KLF3: variants seen among roughly 807,000 people sequenced by gnomAD.
KLF3 encodes the protein Krueppel-like factor 3.
In KLF3, 6 loss-of-function variants were observed where a neutral mutation model predicts 32.7. The ratio of observed to expected loss-of-function variants is 0.18; its 90% CI spans 0.10 to 0.36. The LOEUF (loss-of-function observed/expected upper bound fraction) is 0.36, where lower values mean the gene tolerates loss of function less well. Ranked by LOEUF, KLF3 falls within the 10% of genes least tolerant of loss-of-function variation. KLF3 has a pLI of 1.00. For missense variants in KLF3, 338 were observed against 449.7 expected, an observed-to-expected ratio of 0.75 and a Z score of 2.25; for synonymous variants, 145 against 172.8, an observed-to-expected ratio of 0.84 and a Z score of 1.26.
At chr4:38,677,730 G>T (rs976754425) in intron 1 of KLF3, among the ~76,000 whole-genome samples, 2 of 152,206 alleles carry the variant, frequency 1.3e-5, no homozygotes, top group Non-Finnish European at 2.9e-5. Flanking sequence ...AAGGGTGGGG[G>T]ATAGACCTCT....
At chr4:38,668,999 G>A (rs183555663) in intron 1 of KLF3, among the ~76,000 whole-genome samples, 14 of 152,138 alleles carry the variant, frequency 9.2e-5, no homozygotes, top group East Asian at 7.7e-4. Flanking sequence ...TGTCTCCATC[G>A]CCCCTTGAGA....
At chr4:38,687,758 A>T (rs961909362) in intron 2 of KLF3, among the ~76,000 whole-genome samples, 1 of 152,200 alleles carries the variant, frequency 6.6e-6, no homozygotes, top group Admixed American at 6.5e-5. Flanking sequence ...ATTCAAGTCT[A>T]CAGCTTCATT....
rs1723121250 is a variant in KLF3 at position 38,698,756 on chromosome 4, A to G, written c.*1493A>G. The stretch of plus-strand genomic sequence containing the variant: ...TTTTGAGCACCATAGTCTAAATGCC[A>G]ATAAAAATAATTCATACATAGAAAT... On this transcript the variant is annotated 3_prime_UTR_variant, in exon 6 of 6. Transcript: ENST00000261438. The G allele has an allele frequency of 6.6e-6, 1 of 152,246 alleles. No homozygotes were observed. 9.4% of individuals were successfully genotyped at this position (152,246 alleles called of 1,614,324 possible).
chr4:38,686,301 C>T (rs1166328308), intron 2 of KLF3, among the ~76,000 whole-genome samples: 2 of 151,674 alleles, frequency 1.3e-5, no homozygotes, highest in African/African-American at 4.8e-5. Flanking sequence ...CAAAAATTAG[C>T]GAGGCGTGGT....
intron 1 of KLF3, among the ~76,000 whole-genome samples, chr4:38,677,212 C>T (rs981801108): frequency 7.4e-4 from 113 of 152,188 alleles, no homozygotes; most frequent in African/African-American, 2.5e-3. Context: ...CCACCCGCCT[C>T]GGCCTCCCAA....
At chr4:38,669,849 T>C (rs956017752) in intron 1 of KLF3, among the ~76,000 whole-genome samples, 5 of 121,290 alleles carry the variant, frequency 4.1e-5, no homozygotes, top group East Asian at 5.3e-4. Flanking sequence ...GCCGAGATTG[T>C]GCCACTGCAC....
At chr4:38,691,092 C>G (rs1722863854) in intron 4 of KLF3, among the ~76,000 whole-genome samples, 1 of 151,762 alleles carries the variant, frequency 6.6e-6, no homozygotes, top group Non-Finnish European at 1.5e-5. Flanking sequence ...CCTCTTACCT[C>G]AAAAAAAACC....
chr4:38,694,866 T>C lies in KLF3; in HGVS notation c.816T>C (p.Thr272=). The C allele has an allele frequency of 6.2e-7, 1 of 1,605,758 alleles. No individual in the cohort carries two copies. Among genetic ancestry groups the C allele is most frequent in the South Asian group, 1.1e-5 (1 of 89,378 alleles). Residue 272 remains threonine (T), a synonymous_variant, in exon 5 of 6, where the codon ACT becomes ACC. Transcript: ENST00000261438. ...ATGATGGATGCAACAAAGTGTACACTAAAAGCTCCCACTTGAAAGCACACA... is the reference window on the plus strand; with the variant it reads ...ATGATGGATGCAACAAAGTGTACACCAAAAGCTCCCACTTGAAAGCACACA... The part of the protein sequence containing the change: ...CDYDGCNKVY[T]KSSHLKAHRR...
In KLF3 at chr4:38,680,775, G is replaced by A. The variant is rs184595489; in HGVS notation, c.57+93G>A. ...AATTATTCCTTGAAATCATGGCCGG[G>A]CGTGGTGGCTCACGCCTGTAATCCC... is the stretch of plus-strand genomic sequence containing the variant. On this transcript the variant is annotated intron_variant, in intron 2 of 5. Transcript: ENST00000261438. 78 of 1,065,328 alleles carry A rather than the reference G, an allele frequency of 7.3e-5. No individual in the cohort carries two copies. The African/African-American group carries it at 9.2e-4, about 13-fold the overall frequency. 66.0% of individuals were successfully genotyped at this position (1,065,328 alleles called of 1,614,324 possible).
intron 1 of KLF3, among the ~76,000 whole-genome samples, chr4:38,676,379 T>A (rs1334218573): frequency 6.6e-6 from 1 of 152,172 alleles, no homozygotes; most frequent in Non-Finnish European, 1.5e-5. Flanking sequence ...AGGCAGAGGT[T>A]GCAGTGAGCC....
At chr4:38,665,847 G>C (rs1722018255) in intron 1 of KLF3, among the ~76,000 whole-genome samples, 1 of 152,152 alleles carries the variant, frequency 6.6e-6, no homozygotes, top group Non-Finnish European at 1.5e-5. Flanking sequence ...AATTCATCTG[G>C]ATGATCTGCC....
chr4:38,692,198 A>G (rs908603473), intron 4 of KLF3, among the ~76,000 whole-genome samples: 3 of 152,230 alleles, frequency 2.0e-5, no homozygotes, highest in Non-Finnish European at 2.9e-5. Flanking sequence ...AGTGGACAAG[A>G]TATCTTATAT....
At position 38,699,856 on chromosome 4, in the gene KLF3, T is replaced by G. The variant is rs1207131568; in HGVS notation, c.*2593T>G. 1 of 152,224 alleles carries G rather than the reference T, an allele frequency of 6.6e-6. No homozygotes were observed. The highest frequency in any genetic ancestry group is 1.5e-5 in the Non-Finnish European group (1 of 68,036). The allele number at this position is 152,224 out of a possible 1,614,324, so 9.4% of individuals were successfully genotyped here. A position where few individuals can be genotyped will look rare whatever the true frequency, so the allele number is the denominator to read the frequency against. On this transcript the variant is annotated 3_prime_UTR_variant, in exon 6 of 6. Coordinates refer to ENST00000261438, the MANE Select transcript of KLF3 (RefSeq NM_016531.6). ...TATTTTACTATGATAGTTGAGAAAT[T>G]TAGCCTCTTAGTCATTTTTAGCTGT... is the stretch of plus-strand genomic sequence containing the variant.
At chr4:38,672,346 T>C (rs1349938530) in intron 1 of KLF3, among the ~76,000 whole-genome samples, 2 of 152,190 alleles carry the variant, frequency 1.3e-5, no homozygotes, top group Admixed American at 1.3e-4. Flanking sequence ...CCTGCCTGTC[T>C]GTCCTTCCCA....
At chr4:38,679,645 A>C (rs886735922) in intron 1 of KLF3, among the ~76,000 whole-genome samples, 2 of 152,222 alleles carry the variant, frequency 1.3e-5, no homozygotes, top group Non-Finnish European at 2.9e-5. Context: ...AAAGAGGAAG[A>C]AGTTAAGTAA....
intron 1 of KLF3, among the ~76,000 whole-genome samples, chr4:38,672,693 A>G (rs1722234337): frequency 6.6e-6 from 1 of 150,748 alleles, no homozygotes; most frequent in South Asian, 2.1e-4. Flanking sequence ...AGACCCGGGG[A>G]GTGCACGGGA....
intron 4 of KLF3, among the ~76,000 whole-genome samples, chr4:38,693,555 T>G (rs1445185791): frequency 6.6e-6 from 1 of 152,020 alleles, no homozygotes; most frequent in East Asian, 1.9e-4. Context: ...CGAGTTAGAG[T>G]GTTTACTCTC....
rs138004491 is a variant in KLF3, at chr4:38,695,065, C to G, written c.856+159C>G. Among the ~76,000 whole-genome samples, 97 of 152,330 alleles carry G rather than the reference C, an allele frequency of 6.4e-4. 1 individual carries two copies. The highest frequency in any genetic ancestry group is 2.0e-3 in the African/African-American group (85 of 41,566). On this transcript the variant is annotated intron_variant, in intron 5 of 5. Coordinates refer to ENST00000261438, the MANE Select transcript of KLF3 (RefSeq NM_016531.6). ...TTAGTTGTGCAGAATGAAGATATTG[C>G]TAATGATTTGCCTTTGTAATAAGTT...
chr4:38,679,151 C>T (rs1722443111), intron 1 of KLF3, among the ~76,000 whole-genome samples: 1 of 152,118 alleles, frequency 6.6e-6, no homozygotes, highest in Non-Finnish European at 1.5e-5. Flanking sequence ...GGCTCATTTC[C>T]TAATGAGGAG....
Sources: allele counts gnomAD v4.1 joint callset (sites outside exome capture counted in the v4.1 genomes callset), GRCh38; gene constraint gnomAD v4.1.1; transcripts MANE v1.5; gene names NCBI Gene and HGNC (gene_info 2026-07-23, HGNC 2026-07-21).